VPS53: variants seen among roughly 807,000 people sequenced by gnomAD.
VPS53 encodes vacuolar protein sorting-associated protein 53 homolog.
VPS53 carries 70 observed loss-of-function variants against 107.0 expected under a neutral mutation model. The observed-to-expected ratio is 0.65, with a 90% confidence interval of 0.54 to 0.80. VPS53 has a LOEUF of 0.80. Ranked by LOEUF, VPS53 falls within the 30% of genes least tolerant of loss-of-function variation. The probability of loss-of-function intolerance (pLI) is 0.00; values close to 1 mark genes in which losing one functional copy is unlikely to be tolerated. For missense variants in VPS53, 917 were observed against 1,049.4 expected (o/e 0.87, Z 1.74); for synonymous variants, 409 against 393.3 (o/e 1.04, Z -0.47).
At chr17:522,581 A>G (rs1309627103) in intron 19 of VPS53, among the ~76,000 whole-genome samples, 1 of 152,258 alleles carries the variant, frequency 6.6e-6, no homozygotes, top group Non-Finnish European at 1.5e-5. Flanking sequence ...CCTTATCAGC[A>G]CTGAAAACTC....
In VPS53 at chr17:582,220, C is replaced by G. The variant is rs550789426; in HGVS notation, c.1313+4050G>C. On this transcript the variant is annotated intron_variant, in intron 13 of 21. Coordinates refer to ENST00000437048, the MANE Select transcript of VPS53 (RefSeq NM_001128159.3). ...CATCCCAGAGAACATCACTCAGAAC[C>G]TAATGTGTTCCCAGAGAACCTCCCT... Among the ~76,000 whole-genome samples the G allele has an allele frequency of 1.4e-5, 2 of 143,730 alleles. 1 individual carries two copies. The highest frequency in any genetic ancestry group is 4.7e-4 in the South Asian group (2 of 4,280). 94.3% of individuals were successfully genotyped at this position (143,730 alleles called of 152,430 possible).
intron 11 of VPS53, among the ~76,000 whole-genome samples, chr17:621,845 G>A (rs1245259031): frequency 6.6e-6 from 1 of 152,040 alleles, no homozygotes; most frequent in Non-Finnish European, 1.5e-5. Flanking sequence ...TTCTCTTTAT[G>A]TTGTTAAACC....
At chr17:606,566 G>A (rs1968591344) in intron 11 of VPS53, among the ~76,000 whole-genome samples, 1 of 152,082 alleles carries the variant, frequency 6.6e-6, no homozygotes, top group African/African-American at 2.4e-5. Flanking sequence ...GACGGGCCAC[G>A]GTACAAGGCG....
intron 14 of VPS53, among the ~76,000 whole-genome samples, chr17:561,392 G>A: frequency 6.6e-6 from 1 of 152,184 alleles, no homozygotes; most frequent in African/African-American, 2.4e-5. Context: ...CATAATCCCA[G>A]CTGAGTATGC....
intron 4 of VPS53, among the ~76,000 whole-genome samples, chr17:678,043 C>G (rs1372426714): frequency 6.6e-6 from 1 of 152,014 alleles, no homozygotes; most frequent in Non-Finnish European, 1.5e-5. Context: ...ATTACTTGAG[C>G]CTGGGAGGTC....
chr17:670,289 G>A (rs773798301), intron 4 of VPS53, among the ~76,000 whole-genome samples: 3 of 152,194 alleles, frequency 2.0e-5, no homozygotes, highest in South Asian at 2.1e-4. Context: ...GGTGACTGCC[G>A]TGCTCCTCTT....
chr17:588,754 G>A lies in VPS53; in HGVS notation c.1219-2390C>T, dbSNP rs76684687. 6.0e-4 allele frequency among the ~76,000 whole-genome samples: 92 copies of A among 152,324 alleles called. No homozygotes were observed. The East Asian group carries it at 0.017, about 27-fold the overall frequency. On this transcript the variant is annotated intron_variant, in intron 12 of 21. Transcript: ENST00000437048. ...AGCCCACAACCACACAAGCCTGGCT[G>A]ATTGAGCTTGAATCTGCCGGATCTA...
At chr17:675,265 C>A (rs1972105847) in intron 4 of VPS53, 1 of 152,314 alleles carries the variant, frequency 6.6e-6, no homozygotes, top group East Asian at 1.9e-4. Flanking sequence ...GTTTAAATTT[C>A]TGACTTATTA....
chr17:618,300 G>A (rs59951867), intron 11 of VPS53, among the ~76,000 whole-genome samples: 60 of 74,972 alleles, frequency 8.0e-4, no homozygotes, highest in Admixed American at 2.1e-3. Context: ...ACAGGCGTGC[G>A]CCACCACGCC....
intron 10 of VPS53, among the ~76,000 whole-genome samples, chr17:623,964 A>C (rs1969580295): frequency 6.6e-6 from 1 of 151,238 alleles, no homozygotes; most frequent in Non-Finnish European, 1.5e-5. Context: ...TTTGAGATGG[A>C]GTCTCCCTCT....
At chr17:606,607 T>C (rs897682719) in intron 11 of VPS53, among the ~76,000 whole-genome samples, 17 of 151,836 alleles carry the variant, frequency 1.1e-4, no homozygotes, top group African/African-American at 4.1e-4. Flanking sequence ...AGCCATACAA[T>C]AGAGTAGGCC....
chr17:563,997 C>G (rs1018378482), intron 13 of VPS53, among the ~76,000 whole-genome samples: 26 of 152,258 alleles, frequency 1.7e-4, no homozygotes, highest in African/African-American at 6.3e-4. Context: ...AGCCTGTAAT[C>G]CCAGCACTGT....
chr17:683,379 AT>A (rs1336786703), intron 4 of VPS53, among the ~76,000 whole-genome samples: 2 of 152,322 alleles, frequency 1.3e-5, no homozygotes, highest in South Asian at 2.1e-4. Context: ...CTAAAAAAAA[AT>A]AAAACAACAA....
At chr17:656,041 G>T (rs1250158558) in intron 5 of VPS53, 88 bp from the exon 6 acceptor site, 5 of 943,328 alleles carry the variant, frequency 5.3e-6, no homozygotes, top group Non-Finnish European at 7.9e-6. Flanking sequence ...AGAAACGAAT[G>T]CAGATGAAGC....
intron 13 of VPS53, among the ~76,000 whole-genome samples, chr17:571,834 T>G (rs927657822): frequency 2.6e-5 from 4 of 152,238 alleles, no homozygotes; most frequent in African/African-American, 9.6e-5. Context: ...CGGTGTCTGG[T>G]TCACTCAGTG....
chr17:587,311 C>G (rs1164975723), intron 12 of VPS53, among the ~76,000 whole-genome samples: 2 of 152,226 alleles, frequency 1.3e-5, no homozygotes, highest in African/African-American at 4.8e-5. Context: ...GATCCACCCA[C>G]CTCTACCTCC....
At chr17:613,187 GA>G (rs1228042825) in intron 11 of VPS53, among the ~76,000 whole-genome samples, 16 of 150,016 alleles carry the variant, frequency 1.1e-4, no homozygotes, top group Admixed American at 4.6e-4. Context: ...TTCACACAGT[GA>G]AAACCTGTAC....
chr17:655,023 C>T (rs1460178521), intron 6 of VPS53, among the ~76,000 whole-genome samples: 1 of 152,156 alleles, frequency 6.6e-6, no homozygotes, highest in Non-Finnish European at 1.5e-5. Flanking sequence ...CCCGCCCCTC[C>T]TCCTCTTTCC....
chr17:584,679 C>G (rs773303988), intron 13 of VPS53, among the ~76,000 whole-genome samples: 7 of 152,068 alleles, frequency 4.6e-5, no homozygotes, highest in Non-Finnish European at 7.3e-5. Flanking sequence ...CATCACCACA[C>G]CTGACTAGTT....
Sources: allele counts gnomAD v4.1 joint callset (sites outside exome capture counted in the v4.1 genomes callset), GRCh38; gene constraint gnomAD v4.1.1; transcripts MANE v1.5; gene names NCBI Gene and HGNC (gene_info 2026-07-23, HGNC 2026-07-21).